The following AMOTL1 variants were observed in gnomAD, a reference collection of about 807,000 sequenced individuals.
AMOTL1 encodes angiomotin-like protein 1.
In AMOTL1, 45 loss-of-function variants were observed where a neutral mutation model predicts 102.9. The ratio of observed to expected loss-of-function variants is 0.44; its 90% CI spans 0.34 to 0.56. AMOTL1 has a LOEUF of 0.56. Ranked by LOEUF, AMOTL1 falls within the 20% of genes least tolerant of loss-of-function variation. The pLI is 0.01. For missense variants in AMOTL1, 1,114 were observed against 1,225.6 expected (o/e 0.91, Z 1.36); for synonymous variants, 481 against 484.7 (o/e 0.99, Z 0.10).
At chr11:94,737,674 T>C (rs542888860) in intron 2 of AMOTL1, among the ~76,000 whole-genome samples, 89 of 152,232 alleles carry the variant, frequency 5.8e-4, no homozygotes, top group Non-Finnish European at 1.1e-3. Flanking sequence ...TTTGCTTGAT[T>C]CTATGGGAAA....
intron 11 of AMOTL1, among the ~76,000 whole-genome samples, chr11:94,867,904 T>A (rs556933230): frequency 5.9e-5 from 9 of 152,334 alleles, no homozygotes; most frequent in Non-Finnish European, 1.3e-4. Context: ...TGCTGCTTCT[T>A]AGCTGTGAGA....
intron 2 of AMOTL1, among the ~76,000 whole-genome samples, chr11:94,731,257 C>A (rs1950346169): frequency 6.6e-6 from 1 of 152,188 alleles, no homozygotes. Flanking sequence ...CTATATCCTG[C>A]AAATATGAAG....
chr11:94,725,849 C>G (rs1208992744), intron 1 of AMOTL1, among the ~76,000 whole-genome samples: 2 of 152,152 alleles, frequency 1.3e-5, no homozygotes, highest in Non-Finnish European at 2.9e-5. Context: ...TCCAGACTTT[C>G]TCCTGGGAAC....
intron 4 of AMOTL1, among the ~76,000 whole-genome samples, chr11:94,826,590 C>A (rs1352941210): frequency 6.6e-6 from 1 of 152,154 alleles, no homozygotes; most frequent in Non-Finnish European, 1.5e-5. Context: ...AAGAGCACGT[C>A]CTTCTTCATA....
chr11:94,795,838 G>T (rs1285046305), intron 2 of AMOTL1, among the ~76,000 whole-genome samples: 1 of 152,138 alleles, frequency 6.6e-6, no homozygotes, highest in Admixed American at 6.5e-5. Context: ...ATTTTAAAAT[G>T]TTTTAAAATT....
At chr11:94,738,866 T>C (rs1157075752) in intron 2 of AMOTL1, among the ~76,000 whole-genome samples, 3 of 151,352 alleles carry the variant, frequency 2.0e-5, no homozygotes, top group Admixed American at 1.3e-4. Context: ...GGTAGGAGAG[T>C]GGATTACTTC....
chr11:94,819,531 C>T (rs1951826539), intron 3 of AMOTL1, among the ~76,000 whole-genome samples: 1 of 152,204 alleles, frequency 6.6e-6, no homozygotes, highest in Non-Finnish European at 1.5e-5. Flanking sequence ...AAAAGCTAAT[C>T]AGAGACTCAA....
At chr11:94,786,150 T>G (rs1033352881) in intron 1 of AMOTL1, among the ~76,000 whole-genome samples, 4 of 152,226 alleles carry the variant, frequency 2.6e-5, no homozygotes, top group Non-Finnish European at 4.4e-5. Flanking sequence ...CTTTTTGTTT[T>G]AGATAAGTTA....
rs1474435045 is a variant in AMOTL1, at chr11:94,799,173, A to G, written c.200-217A>G. On this transcript the variant is annotated intron_variant, in intron 2 of 12. Coordinates refer to ENST00000433060, the MANE Select transcript of AMOTL1 (RefSeq NM_130847.3). This position sits in a 1 kb window ranked among gnomAD's most constrained non-coding sequence, Gnocchi z 4.5. ...GTTGAAGGATGGAACAATGTTTAAG[A>G]GGAAGCAGAGGAGAGGGAGTGCAGA... is the stretch of plus-strand genomic sequence containing the variant. Among the ~76,000 whole-genome samples, 6 of 152,136 alleles carry G rather than the reference A, an allele frequency of 3.9e-5. No individual in the cohort carries two copies. Among genetic ancestry groups the G allele is most frequent in the Non-Finnish European group, 7.4e-5 (5 of 68,014 alleles).
Position 94,875,315 on chromosome 11 carries a change from TTCC to T in AMOTL1, c.*4523_*4525del, listed in dbSNP as rs900547125. The T allele has an allele frequency of 6.6e-6, 1 of 152,226 alleles. No homozygotes were observed. Among genetic ancestry groups the T allele is most frequent in the Non-Finnish European group, 1.5e-5 (1 of 68,034 alleles). The allele number at this position is 152,226 out of a possible 1,614,324, so 9.4% of individuals were successfully genotyped here. ...TTCTCCTGGAACAAATGAGCAATTT[TTCC>T]TCTTTCTCTTAAGTAGTATACCCTT... On this transcript the variant is annotated 3_prime_UTR_variant, in exon 13 of 13. Coordinates refer to ENST00000433060, the MANE Select transcript of AMOTL1 (RefSeq NM_130847.3).
At chr11:94,707,236 CTCTCTCTCTCTCTCTGTG>C (rs56095488) in intron 1 of AMOTL1, among the ~76,000 whole-genome samples, 31,226 of 138,230 alleles carry the variant, frequency 0.23, 4,066 homozygotes, top group Non-Finnish European at 0.3. Flanking sequence ...CTCTCTCTCT[CTCTCTCTCTCTCTCTGTG>C]TGTGTGTGTG....
upstream of AMOTL1, among the ~76,000 whole-genome samples, chr11:94,766,244 CTAGA>C (rs371832566): frequency 1.9e-4 from 29 of 152,292 alleles, no homozygotes; most frequent in African/African-American, 5.3e-4. Flanking sequence ...TGCAACTATC[CTAGA>C]TAGTCTCTTG....
chr11:94,867,802 C>T (rs1306202925), intron 11 of AMOTL1, among the ~76,000 whole-genome samples: 3 of 152,214 alleles, frequency 2.0e-5, no homozygotes, highest in Non-Finnish European at 4.4e-5. Context: ...GGACATCCTG[C>T]AGACTCTGGA....
chr11:94,840,594 G>A lies in AMOTL1; in HGVS notation c.1648+9053G>A, dbSNP rs181380242. On this transcript the variant is annotated intron_variant, in intron 6 of 12. Transcript: ENST00000433060. ...TAATGATTTCCCCAGCATAACTTCT[G>A]TCTTTGGGGCAAGCTTTGATTAAGC... is the stretch of plus-strand genomic sequence containing the variant. Among the ~76,000 whole-genome samples, 199 of 149,380 alleles carry A rather than the reference G, an allele frequency of 1.3e-3. 1 individual carries two copies. Among genetic ancestry groups the A allele is most frequent in the African/African-American group, 4.6e-3 (186 of 40,446 alleles).
At position 94,715,460 on chromosome 11, in the gene AMOTL1, T is replaced by C. The variant is rs531533925; in HGVS notation, c.-51+8863T>C. Among the ~76,000 whole-genome samples the C allele has an allele frequency of 1.2e-4, 18 of 152,198 alleles. No homozygotes were observed. The South Asian group carries it at 1.2e-3, about 11-fold the overall frequency. On this transcript the variant is annotated intron_variant, in intron 1 of 4. Transcript: ENST00000299004. The stretch of plus-strand genomic sequence containing the variant: ...TGCTGGGATTATAGGTGTGACTCAC[T>C]GCACCCAGCCCCAGCCTTCCTTTGT...
At chr11:94,810,128 G>C (rs3886640) in intron 3 of AMOTL1, among the ~76,000 whole-genome samples, 40,566 of 152,068 alleles carry the variant, frequency 0.27, 5,992 homozygotes, top group East Asian at 0.46. Context: ...TGAAAAATCA[G>C]ATAGTGAAAT....
chr11:94,737,882 T>C (rs1950458247), intron 2 of AMOTL1, among the ~76,000 whole-genome samples: 1 of 152,220 alleles, frequency 6.6e-6, no homozygotes, highest in African/African-American at 2.4e-5. Flanking sequence ...AAATGGAGAA[T>C]GGGTGCTATC....
chr11:94,838,991 G>T (rs969460874), intron 6 of AMOTL1, among the ~76,000 whole-genome samples: 1 of 152,174 alleles, frequency 6.6e-6, no homozygotes, highest in Non-Finnish European at 1.5e-5. Flanking sequence ...TCACCATAAG[G>T]ATCCTACTGT....
At chr11:94,767,780 T>C (rs1436199745), upstream of AMOTL1, among the ~76,000 whole-genome samples, 27 of 150,894 alleles carry the variant, frequency 1.8e-4, no homozygotes, top group Admixed American at 1.8e-3. Context: ...AGCCTGGGGA[T>C]TTATGGCCAG....
Sources: gnomAD v4.1 joint callset for allele counts (sites outside exome capture counted in the v4.1 genomes callset) on GRCh38, gnomAD v4.1.1 for gene constraint, Gnocchi (gnomAD v3.1) non-coding constraint, MANE v1.5 for transcripts, NCBI Gene and HGNC (gene_info 2026-07-23, HGNC 2026-07-21) for gene names.